Variants in PCDHA7 observed in about 807,000 individuals in gnomAD.
The protein encoded by PCDHA7 is protocadherin alpha 7.
Under a neutral mutation model 57.2 loss-of-function variants are expected in PCDHA7, and 37 were observed. The observed-to-expected ratio is 0.65, with a 90% CI of 0.50 to 0.85. The LOEUF (loss-of-function observed/expected upper bound fraction) is 0.85. Among genes scored for constraint, PCDHA7 ranks in the 40% least tolerant of loss-of-function variants. The pLI is 0.00. For missense variants in PCDHA7, 1,188 were observed against 1,241.8 expected (o/e 0.96, Z 0.65); for synonymous variants, 553 against 558.8 (o/e 0.99, Z 0.15).
chr5:140,897,052 C>G (rs2065858358), intron 1 of PCDHA7, among the ~76,000 whole-genome samples: 1 of 152,114 alleles, frequency 6.6e-6, no homozygotes, highest in Non-Finnish European at 1.5e-5. Context: ...ATTCTGCTGT[C>G]AAATACTATG....
At chr5:140,962,414 C>T (rs2095681226) in intron 1 of PCDHA7, among the ~76,000 whole-genome samples, 1 of 152,166 alleles carries the variant, frequency 6.6e-6, no homozygotes, top group African/African-American at 2.4e-5. Context: ...CCTGTCTCTC[C>T]CTTTTTATTG....
intron 2 of PCDHA7, among the ~76,000 whole-genome samples, chr5:140,981,054 G>T (rs1024298698): frequency 1.3e-5 from 2 of 152,182 alleles, no homozygotes; most frequent in Admixed American, 1.3e-4. Flanking sequence ...GATAATTCTA[G>T]AGTGTAGACA....
intron 1 of PCDHA7, chr5:140,841,216 G>T: frequency 7.1e-7 from 1 of 1,417,674 alleles, no homozygotes; most frequent in South Asian, 1.4e-5. Flanking sequence ...GTCTCTAAAG[G>T]CCGAACAACG....
chr5:140,966,945 A>C, intron 1 of PCDHA7: 1 of 1,603,804 alleles, frequency 6.2e-7, no homozygotes, highest in Non-Finnish European at 8.5e-7. Context: ...CTCGTGGGCA[A>C]CGTGGCTCGC....
chr5:140,965,174 C>CT (rs1213439654), intron 1 of PCDHA7, among the ~76,000 whole-genome samples: 4 of 152,228 alleles, frequency 2.6e-5, no homozygotes, highest in Non-Finnish European at 2.9e-5. Flanking sequence ...TTAGTGAGTG[C>CT]TTTTTTTGCA....
intron 3 of PCDHA7, among the ~76,000 whole-genome samples, chr5:140,985,834 G>T (rs550087572): frequency 1.3e-5 from 2 of 150,860 alleles, no homozygotes; most frequent in South Asian, 4.2e-4. Flanking sequence ...CTGCCTCCCG[G>T]GTTCATGCCA....
rs545348313 is a variant in PCDHA7, at chr5:140,968,526, C to T, written c.2356-10423C>T. ...ATTCTGTACCCTACCTCAACCAACTCGTCAGCAGCCTTCGAGATGGTGCCT... is the reference window on the plus strand; with the variant it reads ...ATTCTGTACCCTACCTCAACCAACTTGTCAGCAGCCTTCGAGATGGTGCCT... On this transcript the variant is annotated intron_variant, in intron 1 of 3. Transcript: ENST00000525929. 9.9e-6 allele frequency: 16 copies of T among 1,614,200 alleles called. No individual in the cohort carries two copies. The Admixed American group carries it at 1.3e-4, about 13-fold the overall frequency.
rs77078209 is a variant in PCDHA7 at position 140,927,973 on chromosome 5, C to T, written c.2356-50976C>T. ...CGCTGCCCCTGGCACAGTGATTGCT[C>T]TCTTTAGTGTAAAGGATGAAGACCT... On this transcript the variant is annotated intron_variant, in intron 1 of 3. Transcript: ENST00000525929. The T allele has an allele frequency of 1.9e-6, 3 of 1,614,216 alleles. No individual in the cohort carries two copies. The East Asian group carries it at 6.7e-5, about 36-fold the overall frequency.
intron 1 of PCDHA7, among the ~76,000 whole-genome samples, chr5:140,887,104 T>G (rs1554182871): frequency 6.6e-6 from 1 of 151,604 alleles, no homozygotes; most frequent in Admixed American, 6.6e-5. Flanking sequence ...TTTATCTCTT[T>G]TTTTTTTTTT....
chr5:140,862,833 G>A (rs868966696), intron 1 of PCDHA7: 1 of 575,582 alleles, frequency 1.7e-6, no homozygotes, highest in Non-Finnish European at 3.3e-6. Flanking sequence ...CGCGCGACGC[G>A]GGCATGCCGC....
chr5:140,876,554 A>G (rs2056417075), intron 1 of PCDHA7: 1 of 1,614,052 alleles, frequency 6.2e-7, no homozygotes, highest in South Asian at 1.1e-5. Flanking sequence ...CCTGTGCAAG[A>G]GGATGCTCAG....
intron 1 of PCDHA7, chr5:140,868,151 C>A (rs1421051830): frequency 6.6e-6 from 1 of 151,990 alleles, no homozygotes. Flanking sequence ...GATTCTGTTA[C>A]ATAAAGTGCT....
At chr5:140,843,773 T>A in intron 1 of PCDHA7, 1 of 1,456,190 alleles carries the variant, frequency 6.9e-7, no homozygotes. Context: ...GTAGTTACTT[T>A]AAAAGTGTTT....
At chr5:140,884,432 C>T (rs782413139) in intron 1 of PCDHA7, 2 of 1,613,880 alleles carry the variant, frequency 1.2e-6, no homozygotes, top group East Asian at 4.5e-5. Flanking sequence ...TACTGCGCTG[C>T]GGTGCTCGGC....
chr5:140,903,401 T>C (rs577425497), intron 1 of PCDHA7, among the ~76,000 whole-genome samples: 1 of 152,218 alleles, frequency 6.6e-6, no homozygotes, highest in Non-Finnish European at 1.5e-5. Context: ...GAAACAGTAG[T>C]GCAGTCAGGA....
intron 1 of PCDHA7, chr5:140,883,493 C>G: frequency 6.2e-7 from 1 of 1,614,174 alleles, no homozygotes; most frequent in Non-Finnish European, 8.5e-7. Flanking sequence ...CTCATTAGTG[C>G]TGGACAGCGC....
intron 1 of PCDHA7, chr5:140,853,757 T>G: frequency 1.0e-6 from 1 of 988,514 alleles, no homozygotes; most frequent in East Asian, 1.1e-4. Context: ...AGGCTCCACC[T>G]CAGAAATTCT....
chr5:140,891,311 T>C (rs563637309), intron 1 of PCDHA7, among the ~76,000 whole-genome samples: 1 of 152,216 alleles, frequency 6.6e-6, no homozygotes, highest in African/African-American at 2.4e-5. Context: ...ATTACATGAG[T>C]AAGTTCTTTG....
chr5:140,843,417 A>G, intron 1 of PCDHA7: 1 of 1,595,970 alleles, frequency 6.3e-7, no homozygotes, highest in South Asian at 1.1e-5. Context: ...GTCAACGTGT[A>G]CCTGATCATC....
Sources: allele counts gnomAD v4.1 joint callset (sites outside exome capture counted in the v4.1 genomes callset), GRCh38; gene constraint gnomAD v4.1.1; transcripts MANE v1.5; gene names NCBI Gene and HGNC (gene_info 2026-07-23, HGNC 2026-07-21).